SYTL5: variants seen among roughly 807,000 people sequenced by gnomAD.
SYTL5 encodes synaptotagmin-like protein 5.
Under a neutral mutation model 55.9 loss-of-function variants are expected in SYTL5, and 34 were observed. The observed-to-expected ratio is 0.61, with a 90% CI of 0.46 to 0.81. The LOEUF is 0.81. Ranked by LOEUF, SYTL5 falls within the 30% of genes least tolerant of loss-of-function variation. The pLI is 0.00. For synonymous variants in SYTL5, 221 were observed against 188.7 expected, an observed-to-expected ratio of 1.17 and a Z score of -1.40; for missense variants, 637 against 546.7, an observed-to-expected ratio of 1.17 and a Z score of -1.65.
chrX:38,076,660 T>C lies in SYTL5; in HGVS notation c.648T>C (p.Gly216=). 2.5e-6 allele frequency: 3 copies of C among 1,210,719 alleles called. No individual in the cohort carries two copies. Among genetic ancestry groups the C allele is most frequent in the Non-Finnish European group, 3.4e-6 (3 of 894,970 alleles). The change falls in exon 6 of 17, where the codon GGT becomes GGC. Residue 216 remains glycine, a synonymous_variant. Transcript: ENST00000297875. ...TGRSYSLDLD[G]QHFRSLKSPP... ...GGAGCTATAGCTTGGACTTAGACGGTCAACATTTTCGGAGTTTAAAATCAC... is the reference window on the plus strand; with the variant it reads ...GGAGCTATAGCTTGGACTTAGACGGCCAACATTTTCGGAGTTTAAAATCAC...
chrX:37,968,731 T>G, the SYTL5 span, among the ~76,000 whole-genome samples: 1 of 111,955 alleles, frequency 8.9e-6, no homozygotes, highest in African/African-American at 3.2e-5. Flanking sequence ...TGGCATTATC[T>G]GGCCCACTAG....
At chrX:37,952,711 G>A in the SYTL5 span, among the ~76,000 whole-genome samples, 1 of 111,047 alleles carries the variant, frequency 9.0e-6, no homozygotes, top group African/African-American at 3.3e-5. Context: ...AAGACTGGAG[G>A]TTAAGAGGCT....
chrX:37,962,204 C>T, the SYTL5 span, among the ~76,000 whole-genome samples: 2 of 111,037 alleles, frequency 1.8e-5, no homozygotes, highest in Non-Finnish European at 1.9e-5. Context: ...GGTATATCTC[C>T]TAATGCTATC....
chrX:37,896,799 A>G, the SYTL5 span, among the ~76,000 whole-genome samples: 1 of 112,304 alleles, frequency 8.9e-6, no homozygotes, highest in Non-Finnish European at 1.9e-5. Context: ...AGAATTGCCC[A>G]GCCAACCCAC....
intron 1 of SYTL5, among the ~76,000 whole-genome samples, chrX:38,022,592 C>T (rs1303620935): frequency 1.8e-5 from 2 of 112,001 alleles, no homozygotes; most frequent in African/African-American, 6.5e-5. Flanking sequence ...CTGACTTTAA[C>T]TCTACTACCT....
rs200192057 is a variant in SYTL5 at position 38,102,418 on chromosome X, C to A, written c.1139C>A (p.Ala380Glu). The A allele has an allele frequency of 1.3e-5, 16 of 1,201,814 alleles. No homozygotes were observed. The South Asian group carries it at 2.5e-4, about 19-fold the overall frequency. The stretch of plus-strand genomic sequence containing the variant: ...TTATCTACAAACACTCACCGTCTGG[C>A]AAGTGGCCTATCAACTGTAAGCAGT... ...SQLSTNTHRL[A>E]SGLSTTSLNS... is the part of the protein sequence containing the mutation. Residue 380 changes from alanine (A) to glutamate (E), a missense_variant, in exon 10 of 17, where the codon GCA (alanine) becomes GAA (glutamate). Coordinates refer to ENST00000297875, the MANE Select transcript of SYTL5 (RefSeq NM_138780.3).
At chrX:37,999,342 G>T in the SYTL5 span, among the ~76,000 whole-genome samples, 1 of 112,639 alleles carries the variant, frequency 8.9e-6, no homozygotes, top group African/African-American at 3.2e-5. Context: ...TCTGCATTTG[G>T]CATTTTCTTA....
chrX:38,043,690 T>TATATATACAC lies in SYTL5; in HGVS notation c.119+9683_119+9684insTATATACACA, dbSNP rs1366385489. Among the ~76,000 whole-genome samples, 166 of 69,517 alleles carry TATATATACAC rather than the reference T, an allele frequency of 2.4e-3. 1 individual carries two copies. The highest frequency in any genetic ancestry group is 3.6e-3 in the Non-Finnish European group (152 of 41,705). 60.4% of individuals were successfully genotyped at this position (69,517 alleles called of 115,157 possible). A position where few individuals can be genotyped will look rare whatever the true frequency, so the allele number is the denominator to read the frequency against. On this transcript the variant is annotated intron_variant, in intron 2 of 16. Coordinates refer to ENST00000297875, the MANE Select transcript of SYTL5 (RefSeq NM_138780.3). ...ATATATATATATATATATATATATATACATATATATATACATATTTTCATA... is the reference window on the plus strand; with the variant it reads ...ATATATATATATATATATATATATATATATATACACACATATATATATACATATTTTCATA...
rs1181177498 is a variant in SYTL5 at position 38,127,293 on chromosome X, T to C, written c.*563T>C. 1 of 112,185 alleles carries C rather than the reference T, an allele frequency of 8.9e-6. No individual in the cohort carries two copies. Among genetic ancestry groups the C allele is most frequent in the Non-Finnish European group, 1.9e-5 (1 of 53,336 alleles). 9.2% of individuals were successfully genotyped at this position (112,185 alleles called of 1,213,427 possible). A position where few individuals can be genotyped will look rare whatever the true frequency, so the allele number is the denominator to read the frequency against. ...TTGACAGGGCTTTCTATGATTACTA[T>C]AGAATTTATCATCTAAATCAGTTTA... On this transcript the variant is annotated 3_prime_UTR_variant, in exon 17 of 17. Transcript: ENST00000297875.
upstream of SYTL5, chrX:38,006,478 C>G (rs760338752): frequency 2.7e-5 from 3 of 111,668 alleles, no homozygotes; most frequent in Non-Finnish European, 5.7e-5. Flanking sequence ...AAATAGCTGT[C>G]TGCAACAGAT....
At chrX:37,977,323 GA>G in the SYTL5 span, among the ~76,000 whole-genome samples, 344 of 109,890 alleles carry the variant, frequency 3.1e-3, 1 homozygote, top group African/African-American at 0.011. Context: ...ACTAGGGATG[GA>G]AAAAAAACAT....
intron 5 of SYTL5, among the ~76,000 whole-genome samples, chrX:38,075,611 G>A (rs1386122673): frequency 6.3e-5 from 7 of 111,415 alleles, no homozygotes; most frequent in African/African-American, 2.3e-4. Flanking sequence ...TCTCAGAGCA[G>A]CATACCTTGA....
the SYTL5 span, among the ~76,000 whole-genome samples, chrX:37,896,897 T>G: frequency 8.9e-6 from 1 of 112,369 alleles, no homozygotes; most frequent in Non-Finnish European, 1.9e-5. Flanking sequence ...TACTGAATGT[T>G]ATAATTACTG....
the SYTL5 span, among the ~76,000 whole-genome samples, chrX:37,928,561 C>T: frequency 9.0e-6 from 1 of 111,453 alleles, no homozygotes; most frequent in East Asian, 2.8e-4. Context: ...AACTGTTTAC[C>T]AACTCCTGCC....
Position 38,089,454 on chromosome X carries a change from C to A in SYTL5, c.698C>A (p.Thr233Asn), listed in dbSNP as rs1216684846. The change falls in exon 7 of 17, where the codon ACT becomes AAT. Residue 233 changes from threonine to asparagine, a missense_variant. Thr to Asn is a moderately conservative substitution (Grantham distance 65, BLOSUM62 0). Coordinates refer to ENST00000297875, the MANE Select transcript of SYTL5 (RefSeq NM_138780.3). ...TATGCTTTCTCATTTAGGGGAAGCA[C>A]TGGCTCATCAGATCTCAATGACCAG... is the stretch of plus-strand genomic sequence containing the variant. ...KSPPGSDRGS[T>N]GSSDLNDQEP... 8.3e-7 allele frequency: 1 copy of A among 1,205,696 alleles called. No homozygotes were observed. Among genetic ancestry groups the A allele is most frequent in the African/African-American group, 1.8e-5 (1 of 56,830 alleles).
chrX:37,924,501 C>T, the SYTL5 span, among the ~76,000 whole-genome samples: 6 of 111,168 alleles, frequency 5.4e-5, no homozygotes, highest in Non-Finnish European at 1.1e-4. Flanking sequence ...TACCTTAATG[C>T]GTGAATACTT....
intron 9 of SYTL5, among the ~76,000 whole-genome samples, chrX:38,100,684 A>G (rs1394363902): frequency 1.8e-5 from 2 of 111,526 alleles, no homozygotes; most frequent in Non-Finnish European, 3.8e-5. Context: ...GAACTCTCAT[A>G]TACTACTGGT....
At chrX:38,124,972 G>GTA (rs756951256) in intron 15 of SYTL5, among the ~76,000 whole-genome samples, 35 of 111,932 alleles carry the variant, frequency 3.1e-4, no homozygotes, top group Non-Finnish European at 6.0e-4. Context: ...GAAGCTGAAA[G>GTA]TATATCAGGA....
At chrX:37,977,754 G>T in the SYTL5 span, among the ~76,000 whole-genome samples, 134 of 104,503 alleles carry the variant, frequency 1.3e-3, 2 homozygotes, top group African/African-American at 4.3e-3. Context: ...ACACGAAGAG[G>T]GTATGAAGAT....
Sources: gnomAD v4.1 joint callset for allele counts (sites outside exome capture counted in the v4.1 genomes callset) on GRCh38, gnomAD v4.1.1 for gene constraint, MANE v1.5 for transcripts, NCBI Gene and HGNC (gene_info 2026-07-23, HGNC 2026-07-21) for gene names.